The following PLBD2 variants were observed in gnomAD, a reference collection of about 807,000 sequenced individuals.
PLBD2 encodes phospholipase B domain containing 2.
PLBD2 carries 51 observed loss-of-function variants against 68.3 expected under a neutral mutation model. The observed-to-expected ratio is 0.75, with a 90% CI of 0.60 to 0.94. The LOEUF (loss-of-function observed/expected upper bound fraction) is 0.94, where lower values mean the gene tolerates loss of function less well. Ranked by LOEUF, PLBD2 falls within the 40% of genes least tolerant of loss-of-function variation. PLBD2 has a pLI of 0.00. For missense variants in PLBD2, 729 were observed against 792.2 expected (o/e 0.92, Z 0.96); for synonymous variants, 314 against 339.3 (o/e 0.93, Z 0.82).
At position 113,384,346 on chromosome 12, in the gene PLBD2, A is replaced by G; in HGVS notation, c.1118+81A>G. On this transcript the variant is annotated intron_variant, in intron 7 of 11. Transcript: ENST00000280800. This position sits in a 1 kb window ranked among gnomAD's most constrained non-coding sequence, Gnocchi z 4.2. ...CCCTTTAACACTCACACTCCTGGGG[A>G]CCAGATGTGGCATCCGGGCCACACA... 3.3e-6 allele frequency: 5 copies of G among 1,495,252 alleles called. No homozygotes were observed. The highest frequency in any genetic ancestry group is 4.5e-6 in the Non-Finnish European group (5 of 1,111,360). The allele number at this position is 1,495,252 out of a possible 1,614,324, so 92.6% of individuals were successfully genotyped here. A position where few individuals can be genotyped will look rare whatever the true frequency, so the allele number is the denominator to read the frequency against.
intron 1 of PLBD2, among the ~76,000 whole-genome samples, chr12:113,363,537 CTTTTT>C (rs1224575042): frequency 7.5e-6 from 1 of 133,502 alleles, no homozygotes; most frequent in Non-Finnish European, 1.6e-5. Context: ...ACATTTTTAG[CTTTTT>C]TTTTTTTTTT....
chr12:113,381,840 G>A (rs1040597728), intron 6 of PLBD2, among the ~76,000 whole-genome samples: 4 of 151,480 alleles, frequency 2.6e-5, no homozygotes, highest in African/African-American at 9.8e-5. Flanking sequence ...TTTTTTCATA[G>A]AGATAGGGTC....
chr12:113,379,019 A>G (rs1009109867), intron 5 of PLBD2, among the ~76,000 whole-genome samples: 3 of 152,090 alleles, frequency 2.0e-5, no homozygotes, highest in Non-Finnish European at 4.4e-5. Flanking sequence ...TGTGGAAGAG[A>G]TAATTCAGGC....
intron 1 of PLBD2, among the ~76,000 whole-genome samples, chr12:113,367,595 C>T (rs1593280575): frequency 1.3e-5 from 2 of 151,776 alleles, no homozygotes; most frequent in Admixed American, 6.6e-5. Context: ...ACAAAAAATA[C>T]CAAAATTAGC....
At chr12:113,388,084 G>A (rs777309173) in intron 11 of PLBD2, among the ~76,000 whole-genome samples, 178 bp downstream of exon 11, 31 of 152,292 alleles carry the variant, frequency 2.0e-4, no homozygotes, top group Non-Finnish European at 4.1e-4. Context: ...GCTCATGCCT[G>A]TAATCCCAGC....
At chr12:113,361,754 C>T (rs766549774) in intron 1 of PLBD2, among the ~76,000 whole-genome samples, 1 of 152,108 alleles carries the variant, frequency 6.6e-6, no homozygotes, top group Non-Finnish European at 1.5e-5. Flanking sequence ...AGGAGCAGAG[C>T]CTGCCTCAGT....
Position 113,391,307 on chromosome 12 carries a change from C to T in PLBD2, c.*2681C>T, listed in dbSNP as rs572522270. 2.0e-5 allele frequency: 3 copies of T among 152,314 alleles called. No homozygotes were observed. The highest frequency in any genetic ancestry group is 7.2e-5 in the African/African-American group (3 of 41,566). The allele number at this position is 152,314 out of a possible 1,614,324, so 9.4% of individuals were successfully genotyped here. A position where few individuals can be genotyped will look rare whatever the true frequency, so the allele number is the denominator to read the frequency against. Reference sequence around the variant, plus strand: ...CCTCTTATTAGCTAGCTATGGACTCCTCTCTGAGCCTCGATTACCTCATCT... The same window carrying T: ...CCTCTTATTAGCTAGCTATGGACTCTTCTCTGAGCCTCGATTACCTCATCT... On this transcript the variant is annotated 3_prime_UTR_variant, in exon 12 of 12. Transcript: ENST00000280800.
Position 113,380,774 on chromosome 12 carries a change from C to G in PLBD2, c.889C>G (p.Leu297Val). Residue 297 changes from leucine (L) to valine (V), a missense_variant, in exon 6 of 12, where the codon CTG becomes GTG. Coordinates refer to ENST00000280800, the MANE Select transcript of PLBD2 (RefSeq NM_173542.4). ...GDYPLVPGNK[L>V]VFSSYPGTIF... ...CTACCCGCTGGTTCCCGGCAACAAG[C>G]TGGTCTTCTCCTCCTACCCCGGCAC... 1.3e-6 allele frequency: 2 copies of G among 1,554,154 alleles called. No individual in the cohort carries two copies. Among genetic ancestry groups the G allele is most frequent in the Non-Finnish European group, 8.7e-7 (1 of 1,148,740 alleles).
chr12:113,374,736 T>G, intron 4 of PLBD2, 57 bp from the exon 5 acceptor site: 1 of 1,588,610 alleles, frequency 6.3e-7, no homozygotes, highest in Admixed American at 1.7e-5. Flanking sequence ...GCAAAATGAG[T>G]ACATAACAGC....
chr12:113,373,948 C>T (rs984880121), intron 3 of PLBD2, among the ~76,000 whole-genome samples: 2 of 142,684 alleles, frequency 1.4e-5, no homozygotes, highest in African/African-American at 5.1e-5. Flanking sequence ...CATACATCCA[C>T]CCACCCATCC....
Position 113,384,020 on chromosome 12 carries a change from ATT to A in PLBD2, c.958-81_958-80del. Reference sequence around the variant, plus strand: ...TCAAAAAAAAAAAAAAAAAAAAAAAATTTTTGGAGCCATGACTGATGAAGTAC... The same window carrying A: ...TCAAAAAAAAAAAAAAAAAAAAAAAATTTGGAGCCATGACTGATGAAGTAC... On this transcript the variant is annotated intron_variant, in intron 6 of 11. Transcript: ENST00000280800. The surrounding 1 kb of genome is among the most constrained non-coding windows in gnomAD (Gnocchi z 4.2). 3.0e-6 allele frequency: 3 copies of A among 992,030 alleles called. No individual in the cohort carries two copies. Among genetic ancestry groups the A allele is most frequent in the South Asian group, 6.6e-5 (2 of 30,428 alleles). 61.5% of individuals were successfully genotyped at this position (992,030 alleles called of 1,614,324 possible).
Position 113,391,592 on chromosome 12 carries a change from A to G in PLBD2, c.*2966A>G, listed in dbSNP as rs962596190. On this transcript the variant is annotated 3_prime_UTR_variant, in exon 12 of 12. Transcript: ENST00000280800. ...TGTCAGTGCTGGTAAACCCGTGGAG[A>G]AAATAAAGCAAGGTTGGGGTCTGGG... 3 of 152,334 alleles carry G rather than the reference A, an allele frequency of 2.0e-5. No homozygotes were observed. Among genetic ancestry groups the G allele is most frequent in the Non-Finnish European group, 1.5e-5 (1 of 68,042 alleles). 9.4% of individuals were successfully genotyped at this position (152,334 alleles called of 1,614,324 possible).
chr12:113,363,611 C>G (rs370603237), intron 1 of PLBD2, among the ~76,000 whole-genome samples: 2 of 145,484 alleles, frequency 1.4e-5, no homozygotes, highest in South Asian at 2.2e-4. Context: ...GATTTCGGGT[C>G]GCTGCAAGCT....
At chr12:113,360,850 T>G (rs894751731) in intron 1 of PLBD2, among the ~76,000 whole-genome samples, 9 of 152,274 alleles carry the variant, frequency 5.9e-5, no homozygotes, top group Admixed American at 1.3e-4. Context: ...GAGATGGGGT[T>G]TCACCATGTT....
rs113585901 is a variant in PLBD2 at position 113,389,699 on chromosome 12, C to CT, written c.*1083dup. 0.027 allele frequency: 3,991 copies of CT among 148,326 alleles called. 150 individuals are homozygous for CT. Among genetic ancestry groups the CT allele is most frequent in the African/African-American group, 0.09 (3,653 of 40,506 alleles). The allele number at this position is 148,326 out of a possible 1,614,324, so 9.2% of individuals were successfully genotyped here. ...CCATCTGTCCATTTTCTTTCTTCTT[C>CT]TTTTTTTTTTGTTTTTGTTTTTTCT... On this transcript the variant is annotated 3_prime_UTR_variant, in exon 12 of 12. Coordinates refer to ENST00000280800, the MANE Select transcript of PLBD2 (RefSeq NM_173542.4).
chr12:113,367,394 A>T (rs1957350383), intron 1 of PLBD2, among the ~76,000 whole-genome samples: 1 of 152,106 alleles, frequency 6.6e-6, no homozygotes, highest in Admixed American at 6.6e-5. Flanking sequence ...CATTGTAGAG[A>T]CTCAGTCTGT....
Position 113,358,610 on chromosome 12 carries a change from C to A in PLBD2, c.10C>A (p.Gln4Lys). The A allele has an allele frequency of 2.0e-6, 3 of 1,471,164 alleles. No individual in the cohort carries two copies. Among genetic ancestry groups the A allele is most frequent in the Non-Finnish European group, 2.7e-6 (3 of 1,119,300 alleles). 91.1% of individuals were successfully genotyped at this position (1,471,164 alleles called of 1,614,324 possible). The stretch of plus-strand genomic sequence containing the variant: ...GCAGCATTGTGCGGTCATGGTGGGC[C>A]AGATGTACTGCTACCCCGGCAGCCA... MVG[Q>K]MYCYPGSHLA... The change falls in exon 1 of 12, where the codon CAG (glutamine) becomes AAG (lysine). Residue 4 changes from glutamine (Q) to lysine (K), a missense_variant. Coordinates refer to ENST00000280800, the MANE Select transcript of PLBD2 (RefSeq NM_173542.4).
intron 6 of PLBD2, 80 bp downstream of exon 6, chr12:113,380,922 C>A: frequency 7.4e-7 from 1 of 1,356,328 alleles, no homozygotes; most frequent in Non-Finnish European, 1.0e-6. Flanking sequence ...TTGATTCCTG[C>A]GGCAAGTGGG....
Position 113,386,928 on chromosome 12 carries a change from C to G in PLBD2, c.1287-9C>G. 6.2e-7 allele frequency: 1 copy of G among 1,612,684 alleles called. No individual in the cohort carries two copies. Among genetic ancestry groups the G allele is most frequent in the South Asian group, 1.1e-5 (1 of 90,728 alleles). ...GGGGGTCATGGGTGACCATCCTTGT[C>G]CCCGGCAGGTCCTTCGAGACTGTGT... is the stretch of plus-strand genomic sequence containing the variant. On this transcript the variant is annotated splice_polypyrimidine_tract_variant and intron_variant, in intron 9 of 11. Coordinates refer to ENST00000280800, the MANE Select transcript of PLBD2 (RefSeq NM_173542.4).
Sources: gnomAD v4.1 joint callset for allele counts (sites outside exome capture counted in the v4.1 genomes callset) on GRCh38, gnomAD v4.1.1 for gene constraint, Gnocchi (gnomAD v3.1) non-coding constraint, MANE v1.5 for transcripts, NCBI Gene and HGNC (gene_info 2026-07-23, HGNC 2026-07-21) for gene names.